Variants in TEX22 observed in about 807,000 individuals in gnomAD.
The protein encoded by TEX22 is testis-expressed protein 22.
A neutral mutation model predicts 11.3 loss-of-function variants in TEX22; 16 were observed. The observed-to-expected ratio is 1.42, with a 90% CI of 0.96 to 2.15. The LOEUF is 2.15. TEX22 is among the 30% of genes most tolerant of loss of function. The pLI is 0.00. For synonymous variants in TEX22, 97 were observed against 92.3 expected (o/e 1.05, Z -0.29); for missense variants, 220 against 208.6 (o/e 1.05, Z -0.34).
intron 2 of TEX22, among the ~76,000 whole-genome samples, chr14:105,403,425 C>T (rs1239610690): frequency 6.6e-6 from 1 of 152,118 alleles, no homozygotes; most frequent in East Asian, 1.9e-4. Flanking sequence ...CTCTATTAGT[C>T]TCAAGGTGGA....
At chr14:105,399,554 C>T (rs2081612798) in intron 2 of TEX22, 64 bp downstream of exon 2, 13 of 1,459,126 alleles carry the variant, frequency 8.9e-6, no homozygotes, top group Admixed American at 4.9e-5. Flanking sequence ...AGGCCGCTGT[C>T]TCTGAAAACT....
chr14:105,407,623 G>T lies in TEX22; in HGVS notation c.151-3745G>T, dbSNP rs138689311. Among the ~76,000 whole-genome samples, 127 of 152,226 alleles carry T rather than the reference G, an allele frequency of 8.3e-4. 1 individual carries two copies. The highest frequency in any genetic ancestry group is 3.0e-3 in the African/African-American group (123 of 41,556). ...GCTGAGGTCAAGCCATCCTGCCTAG[G>T]CCTCCCAAAGTGTTGGGATTACAGA... On this transcript the variant is annotated intron_variant, in intron 2 of 3. Coordinates refer to ENST00000451127, the MANE Select transcript of TEX22 (RefSeq NM_001195082.2).
intron 2 of TEX22, among the ~76,000 whole-genome samples, chr14:105,409,435 C>A (rs2081676584): frequency 6.6e-6 from 1 of 151,916 alleles, no homozygotes; most frequent in Non-Finnish European, 1.5e-5. Context: ...AGGCTTTGTC[C>A]ATCACCTTCT....
chr14:105,399,589 TCAGG>T, intron 2 of TEX22, 99 bp downstream of exon 2: 1 of 1,347,508 alleles, frequency 7.4e-7, no homozygotes, highest in Non-Finnish European at 9.9e-7. Context: ...ATGAGCAGCC[TCAGG>T]GGAGGGCTGA....
rs2081640251 is a variant in TEX22, at chr14:105,402,887, G to T, written c.150+3397G>T. Among the ~76,000 whole-genome samples, 4 of 152,250 alleles carry T rather than the reference G, an allele frequency of 2.6e-5. No individual in the cohort carries two copies. In the Middle Eastern group the frequency reaches 0.014, roughly 518 times the overall value. On this transcript the variant is annotated intron_variant, in intron 2 of 3. Coordinates refer to ENST00000451127, the MANE Select transcript of TEX22 (RefSeq NM_001195082.2). ...TATTGGATGGGCAGATTTCATATGT[G>T]TGTTTTTGAGACAGGGTCTTGCTCT...
At chr14:105,407,069 ATTT>A (rs10715186) in intron 2 of TEX22, among the ~76,000 whole-genome samples, 20 of 116,156 alleles carry the variant, frequency 1.7e-4, no homozygotes, top group Non-Finnish European at 1.5e-4. Context: ...TAATTTCTTA[ATTT>A]TTTTTTTTTT....
chr14:105,403,189 T>C (rs1555418597), intron 2 of TEX22, among the ~76,000 whole-genome samples: 1 of 152,240 alleles, frequency 6.6e-6, no homozygotes, highest in Non-Finnish European at 1.5e-5. Flanking sequence ...GTGGGTGGGC[T>C]GACAGCATAA....
At position 105,411,990 on chromosome 14, in the gene TEX22, G is replaced by C. The variant is rs782009743; in HGVS notation, c.*157G>C. On this transcript the variant is annotated 3_prime_UTR_variant, in exon 4 of 4. Transcript: ENST00000451127. ...AGGACCTGGCTCCGGACAGCCTGCA[G>C]CTGCTGAGGCCTTGGAGACCGGGCT... The C allele has an allele frequency of 2.4e-4, 168 of 701,332 alleles. 1 individual carries two copies. The highest frequency in any genetic ancestry group is 1.1e-3 in the South Asian group (48 of 43,804). 43.4% of individuals were successfully genotyped at this position (701,332 alleles called of 1,614,324 possible).
chr14:105,406,999 A>G (rs2081661843), intron 2 of TEX22, among the ~76,000 whole-genome samples: 1 of 151,784 alleles, frequency 6.6e-6, no homozygotes, highest in Admixed American at 6.6e-5. Flanking sequence ...AGCTTTGACC[A>G]TACCTCACGT....
At chr14:105,411,521 G>GGGGGCCCCCCCC in intron 3 of TEX22, 25 bp downstream of exon 3, 7 of 458,518 alleles carry the variant, frequency 1.5e-5, no homozygotes, top group East Asian at 8.8e-5. Context: ...GGTCCTCCCC[G>GGGGGCCCCCCCC]CCCCGTCCCC....
At chr14:105,408,518 G>C (rs1555419032) in intron 2 of TEX22, among the ~76,000 whole-genome samples, 1 of 152,156 alleles carries the variant, frequency 6.6e-6, no homozygotes, top group East Asian at 1.9e-4. Flanking sequence ...CTGCCTCCTG[G>C]GTTCAAGCAA....
chr14:105,411,324 A>G, intron 2 of TEX22, 44 bp from the exon 3 acceptor site: 2 of 1,266,448 alleles, frequency 1.6e-6, no homozygotes, highest in South Asian at 2.5e-5. Context: ...GGCGAAGGGG[A>G]GCTGGCGCCG....
chr14:105,399,268 G>GC, intron 1 of TEX22, 34 bp from the exon 2 acceptor site: 3 of 1,272,368 alleles, frequency 2.4e-6, no homozygotes, highest in Non-Finnish European at 2.1e-6. Flanking sequence ...GGCCTTGTGG[G>GC]CCCCGCCCCA....
chr14:105,401,818 C>T (rs917850675), intron 2 of TEX22, among the ~76,000 whole-genome samples: 1 of 152,144 alleles, frequency 6.6e-6, no homozygotes, highest in Non-Finnish European at 1.5e-5. Flanking sequence ...CGGAGGGGAG[C>T]TCTCAAGAGC....
At chr14:105,402,197 AACAGT>A (rs1391961677) in intron 2 of TEX22, among the ~76,000 whole-genome samples, 1 of 152,110 alleles carries the variant, frequency 6.6e-6, no homozygotes, top group Non-Finnish European at 1.5e-5. Flanking sequence ...AAAGTAAATA[AACAGT>A]ATTCTGGAAA....
chr14:105,411,524 C>CCCGG, intron 3 of TEX22, 28 bp downstream of exon 3: 1 of 1,109,024 alleles, frequency 9.0e-7, no homozygotes, highest in Non-Finnish European at 1.1e-6. Flanking sequence ...CCTCCCCGCC[C>CCCGG]CGTCCCCGCC....
At chr14:105,404,467 T>C (rs2081648779) in intron 2 of TEX22, among the ~76,000 whole-genome samples, 1 of 152,166 alleles carries the variant, frequency 6.6e-6, no homozygotes, top group African/African-American at 2.4e-5. Context: ...GAGGTGAGGA[T>C]CATTGGATGC....
rs141216350 is a variant in TEX22, at chr14:105,406,224, C to A, written c.151-5144C>A. The stretch of plus-strand genomic sequence containing the variant: ...ATAAGTGCCTTTCGTAGGCCAAACA[C>A]AAAATCCTTGAAGGAAAAGCCTGAC... On this transcript the variant is annotated intron_variant, in intron 2 of 3. Transcript: ENST00000451127. Among the ~76,000 whole-genome samples, 851 of 152,180 alleles carry A rather than the reference C, an allele frequency of 5.6e-3. 12 individuals are homozygous for A. The highest frequency in any genetic ancestry group is 0.019 in the African/African-American group (791 of 41,538).
chr14:105,398,879 T>C (rs1595215247), intron 1 of TEX22, among the ~76,000 whole-genome samples: 1 of 150,444 alleles, frequency 6.6e-6, no homozygotes, highest in Non-Finnish European at 1.5e-5. Flanking sequence ...GGAGGGGAGG[T>C]CTCAGGGTCG....
Sources: gnomAD v4.1 joint callset for allele counts (sites outside exome capture counted in the v4.1 genomes callset) on GRCh38, gnomAD v4.1.1 for gene constraint, MANE v1.5 for transcripts, NCBI Gene and HGNC (gene_info 2026-07-23, HGNC 2026-07-21) for gene names.